TRERF1: variants seen among roughly 807,000 people sequenced by gnomAD.
TRERF1 encodes transcriptional regulating factor 1.
Under a neutral mutation model 122.9 loss-of-function variants are expected in TRERF1, and 27 were observed. The ratio of observed to expected loss-of-function variants is 0.22; its 90% CI spans 0.16 to 0.30. The LOEUF (loss-of-function observed/expected upper bound fraction) is 0.30. Among genes scored for constraint, TRERF1 ranks in the 10% least tolerant of loss-of-function variants. TRERF1 has a pLI of 1.00. For missense variants in TRERF1, 1,248 were observed against 1,560.3 expected, an observed-to-expected ratio of 0.80 and a Z score of 3.37; for synonymous variants, 636 against 641.7, an observed-to-expected ratio of 0.99 and a Z score of 0.13.
intron 13 of TRERF1, among the ~76,000 whole-genome samples, chr6:42,252,898 T>G (rs1776076564): frequency 6.6e-6 from 1 of 152,176 alleles, no homozygotes; most frequent in Non-Finnish European, 1.5e-5. Flanking sequence ...TATGTTTCTC[T>G]TGGAGATATC....
At chr6:42,236,310 C>T (rs372911535) in exon 16 of TRERF1, 20 of 1,605,366 alleles carry the variant, frequency 1.2e-5, no homozygotes, top group South Asian at 5.6e-5. Flanking sequence ...GTGGTGGCTC[C>T]GGGGACTTCG....
chr6:42,377,761 A>G (rs776398561), intron 2 of TRERF1, among the ~76,000 whole-genome samples: 6 of 152,178 alleles, frequency 3.9e-5, no homozygotes, highest in African/African-American at 9.7e-5. Context: ...CTCACAGGCC[A>G]TGATAGAAAT....
At chr6:42,310,003 A>G (rs896369004) in intron 3 of TRERF1, among the ~76,000 whole-genome samples, 2 of 152,162 alleles carry the variant, frequency 1.3e-5, no homozygotes, top group Non-Finnish European at 1.5e-5. Flanking sequence ...GGCTGAAGCA[A>G]TCTGCCTGTC....
intron 2 of TRERF1, among the ~76,000 whole-genome samples, chr6:42,436,434 TTAAA>T (rs1785380620): frequency 6.6e-6 from 1 of 152,174 alleles, no homozygotes; most frequent in Admixed American, 6.5e-5. Context: ...TTAGTAAGTA[TTAAA>T]TCACATTCAA....
Position 42,232,885 on chromosome 6 carries a change from C to T in TRERF1, c.3074G>A (p.Ser1025Asn). Reference sequence around the variant, plus strand: ...ATGGCCATTCAGTGCCTGTCGGGAGCTGAACACCTGGGGAAGAAAGGGAGT... The same window carrying T: ...ATGGCCATTCAGTGCCTGTCGGGAGTTGAACACCTGGGGAAGAAAGGGAGT... Residue 1025 changes from serine to asparagine, a missense_variant, in exon 17 of 18, where the codon AGC (serine) becomes AAC (asparagine). By Grantham distance (46) the Ser-to-Asn change is conservative. Transcript: ENST00000372922. The surrounding 1 kb of genome is among the most constrained non-coding windows in gnomAD (Gnocchi z 4.5). 1 of 1,600,152 alleles carries T rather than the reference C, an allele frequency of 6.2e-7. No homozygotes were observed. The highest frequency in any genetic ancestry group is 1.1e-5 in the South Asian group (1 of 89,160).
chr6:42,279,873 A>G (rs1480708606), intron 4 of TRERF1, among the ~76,000 whole-genome samples: 1 of 152,162 alleles, frequency 6.6e-6, no homozygotes, highest in Non-Finnish European at 1.5e-5. Flanking sequence ...CCCAGAGAAG[A>G]AGCGATCATC....
intron 3 of TRERF1, among the ~76,000 whole-genome samples, chr6:42,307,657 T>C (rs1273485893): frequency 6.6e-6 from 1 of 151,162 alleles, no homozygotes; most frequent in Non-Finnish European, 1.5e-5. Flanking sequence ...TTCTACTCAG[T>C]TGTGCTTACT....
chr6:42,321,216 AC>A (rs1475581218), intron 3 of TRERF1, among the ~76,000 whole-genome samples: 1 of 151,438 alleles, frequency 6.6e-6, no homozygotes, highest in African/African-American at 2.4e-5. Flanking sequence ...CAACCCTGAG[AC>A]CCCCCTAAAC....
chr6:42,236,504 G>A (rs1772237479), intron 15 of TRERF1, 93 bp from the exon 16 acceptor site: 5 of 1,477,088 alleles, frequency 3.4e-6, no homozygotes, highest in Non-Finnish European at 4.5e-6. Context: ...GGAGAGAGGG[G>A]CAGGATGCTG....
intron 2 of TRERF1, among the ~76,000 whole-genome samples, chr6:42,441,729 T>C (rs1430567728): frequency 1.3e-5 from 2 of 151,350 alleles, no homozygotes; most frequent in East Asian, 1.9e-4. Flanking sequence ...CACTAACTAG[T>C]GTCAGGCTCT....
intron 4 of TRERF1, among the ~76,000 whole-genome samples, chr6:42,295,702 G>C (rs1264679168): frequency 6.7e-6 from 1 of 149,114 alleles, no homozygotes; most frequent in Non-Finnish European, 1.5e-5. Context: ...AGATGTTTTA[G>C]ACTTTATGCA....
At chr6:42,424,369 C>T (rs867024192) in intron 2 of TRERF1, among the ~76,000 whole-genome samples, 43 of 152,176 alleles carry the variant, frequency 2.8e-4, no homozygotes, top group African/African-American at 1.0e-3. Flanking sequence ...TGAATGCCAA[C>T]ATGACAACAC....
At chr6:42,386,421 C>T (rs929353366) in intron 2 of TRERF1, among the ~76,000 whole-genome samples, 3 of 151,730 alleles carry the variant, frequency 2.0e-5, no homozygotes, top group Non-Finnish European at 4.4e-5. Flanking sequence ...CCAGCCTGGG[C>T]GACATAGCGA....
At chr6:42,229,183 G>C (rs1305596121) in intron 17 of TRERF1, among the ~76,000 whole-genome samples, 1 of 152,140 alleles carries the variant, frequency 6.6e-6, no homozygotes, top group East Asian at 1.9e-4. Context: ...TATTGCCCAG[G>C]CTGGAGTGCA....
chr6:42,368,884 C>T (rs1237559299), intron 2 of TRERF1, among the ~76,000 whole-genome samples: 4 of 152,132 alleles, frequency 2.6e-5, no homozygotes, highest in Middle Eastern at 6.8e-3. Context: ...CATTTGTGCA[C>T]AGTATCTGAA....
rs372176554 is a variant in TRERF1, at chr6:42,344,306, T to C, written c.-371+18691A>G. ...GCCAGTAGTAACGGAAAGGCAGTCA[T>C]AATAACAGCTGAACTTTCTGAGCTC... On this transcript the variant is annotated intron_variant, in intron 3 of 17. Coordinates refer to ENST00000372922, the Ensembl canonical transcript of TRERF1. Among the ~76,000 whole-genome samples, 773 of 152,300 alleles carry C rather than the reference T, an allele frequency of 5.1e-3. 8 individuals are homozygous for C. Among genetic ancestry groups the C allele is most frequent in the South Asian group, 0.023 (112 of 4,820 alleles).
intron 2 of TRERF1, among the ~76,000 whole-genome samples, chr6:42,402,323 T>A (rs1262973309): frequency 6.6e-6 from 1 of 152,188 alleles, no homozygotes; most frequent in East Asian, 1.9e-4. Context: ...AGCTTTACAG[T>A]AAATGGTGAC....
intron 2 of TRERF1, among the ~76,000 whole-genome samples, chr6:42,394,675 CA>C (rs1183391768): frequency 6.6e-6 from 1 of 152,002 alleles, no homozygotes; most frequent in Non-Finnish European, 1.5e-5. Flanking sequence ...AATAATATAG[CA>C]ATACTAATGC....
intron 14 of TRERF1, among the ~76,000 whole-genome samples, chr6:42,243,662 C>A (rs1489927416): frequency 6.6e-6 from 1 of 151,430 alleles, no homozygotes; most frequent in African/African-American, 2.4e-5. Flanking sequence ...ATCACTGCAA[C>A]CTCTGCCTCC....
Sources: gnomAD v4.1 joint callset for allele counts (sites outside exome capture counted in the v4.1 genomes callset) on GRCh38, gnomAD v4.1.1 for gene constraint, Gnocchi (gnomAD v3.1) non-coding constraint, MANE v1.5 for transcripts, NCBI Gene and HGNC (gene_info 2026-07-23, HGNC 2026-07-21) for gene names.